The following METAP1D variants were observed in gnomAD, a reference collection of about 807,000 sequenced individuals.
METAP1D encodes methionyl aminopeptidase type 1D, mitochondrial.
A neutral mutation model predicts 40.5 loss-of-function variants in METAP1D; 31 were observed. The ratio of observed to expected loss-of-function variants is 0.77; its 90% CI spans 0.58 to 1.03. The LOEUF (loss-of-function observed/expected upper bound fraction) is 1.03, where lower values mean the gene tolerates loss of function less well. METAP1D is among the 50% of genes least tolerant of loss of function. The pLI is 0.00. For synonymous variants in METAP1D, 151 were observed against 146.4 expected (o/e 1.03, Z -0.22); for missense variants, 411 against 420.7 (o/e 0.98, Z 0.20).
At chr2:172,061,028 C>T (rs1159427744) in intron 1 of METAP1D, among the ~76,000 whole-genome samples, 1 of 152,216 alleles carries the variant, frequency 6.6e-6, no homozygotes, top group Non-Finnish European at 1.5e-5. Flanking sequence ...TATAATGCCT[C>T]ACTGCACGTG....
chr2:172,022,589 A>G (rs1260375749), intron 1 of METAP1D, among the ~76,000 whole-genome samples: 1 of 152,210 alleles, frequency 6.6e-6, no homozygotes, highest in Non-Finnish European at 1.5e-5. Flanking sequence ...ATAAGTAAAA[A>G]AAGTGGAATT....
At position 172,040,746 on chromosome 2, in the gene METAP1D, C is replaced by CTTTTTTTT. The variant is rs782267064; in HGVS notation, c.41-20741_41-20734dup. 5.1e-5 allele frequency among the ~76,000 whole-genome samples: 6 copies of CTTTTTTTT among 117,224 alleles called. 1 individual carries two copies. Among genetic ancestry groups the CTTTTTTTT allele is most frequent in the Middle Eastern group, 4.6e-3 (1 of 216 alleles). The allele number at this position is 117,224 out of a possible 152,430, so 76.9% of individuals were successfully genotyped here. On this transcript the variant is annotated intron_variant, in intron 1 of 9. Coordinates refer to ENST00000315796, the MANE Select transcript of METAP1D (RefSeq NM_199227.3). ...ATTTGCTTTGATACATTCAGGCCCT[C>CTTTTTTTT]TTTTTTTTTTTTTTTTTTGAGATGG... is the stretch of plus-strand genomic sequence containing the variant.
intron 1 of METAP1D, among the ~76,000 whole-genome samples, chr2:172,045,819 GTATATA>G (rs796640775): frequency 1.6e-3 from 24 of 15,188 alleles, no homozygotes; most frequent in African/African-American, 4.4e-3. Context: ...GTGTGTGTGT[GTATATA>G]TATATATATA....
chr2:172,003,183 A>T lies in METAP1D; in HGVS notation c.40+3174A>T, dbSNP rs148955922. Among the ~76,000 whole-genome samples, 71 of 152,276 alleles carry T rather than the reference A, an allele frequency of 4.7e-4. No individual in the cohort carries two copies. The East Asian group carries it at 0.012, about 26-fold the overall frequency. ...GTAGTGACATTGGAAAGAGGAAAAGACAGATCAGCCTCTTGGAACCAAGAG... is the reference window on the plus strand; with the variant it reads ...GTAGTGACATTGGAAAGAGGAAAAGTCAGATCAGCCTCTTGGAACCAAGAG... On this transcript the variant is annotated intron_variant, in intron 1 of 9. Transcript: ENST00000315796.
chr2:172,038,917 A>G (rs1194537603), intron 1 of METAP1D, among the ~76,000 whole-genome samples: 2 of 152,228 alleles, frequency 1.3e-5, no homozygotes, highest in East Asian at 3.8e-4. Flanking sequence ...TACTCATTAA[A>G]GTCAGCATCA....
Position 172,033,357 on chromosome 2 carries a change from A to AT in METAP1D, c.41-28127dup, listed in dbSNP as rs1313514417. On this transcript the variant is annotated intron_variant, in intron 1 of 9. Coordinates refer to ENST00000315796, the MANE Select transcript of METAP1D (RefSeq NM_199227.3). ...CCTATTTTAATAATACATTTGTTTA[A>AT]TTTTTTTTTTTTTTGAGACGGAATC... is the stretch of plus-strand genomic sequence containing the variant. 4.4e-3 allele frequency among the ~76,000 whole-genome samples: 635 copies of AT among 145,186 alleles called. 1 individual carries two copies. The highest frequency in any genetic ancestry group is 0.028 in the Middle Eastern group (8 of 286).
At chr2:172,016,300 AATATATATATATAT>A (rs1188835723) in intron 1 of METAP1D, among the ~76,000 whole-genome samples, 107 of 40,052 alleles carry the variant, frequency 2.7e-3, no homozygotes, top group Admixed American at 4.1e-3. Flanking sequence ...AAAAAAAAAA[AATATATATATATAT>A]ATATATATAT....
Position 172,042,983 on chromosome 2 carries a change from A to G in METAP1D, c.41-18515A>G, listed in dbSNP as rs540702456. Reference sequence around the variant, plus strand: ...TATATATGCGTACATGTGCATACATATGTGTGCGTGTGTACACATATATGT... The same window carrying G: ...TATATATGCGTACATGTGCATACATGTGTGTGCGTGTGTACACATATATGT... On this transcript the variant is annotated intron_variant, in intron 1 of 9. Transcript: ENST00000315796. 3.2e-5 allele frequency among the ~76,000 whole-genome samples: 4 copies of G among 125,630 alleles called. 1 individual carries two copies. Among genetic ancestry groups the G allele is most frequent in the South Asian group, 5.1e-4 (2 of 3,950 alleles). 82.4% of individuals were successfully genotyped at this position (125,630 alleles called of 152,430 possible). A position where few individuals can be genotyped will look rare whatever the true frequency, so the allele number is the denominator to read the frequency against.
At chr2:172,044,281 C>T (rs1194183737) in intron 1 of METAP1D, among the ~76,000 whole-genome samples, 2 of 131,052 alleles carry the variant, frequency 1.5e-5, no homozygotes, top group African/African-American at 5.1e-5. Flanking sequence ...GTCAGGTGGG[C>T]TGGGCACGGT....
chr2:172,025,326 A>AATTATT (rs1242533578), intron 1 of METAP1D, among the ~76,000 whole-genome samples: 2 of 151,820 alleles, frequency 1.3e-5, no homozygotes, highest in Non-Finnish European at 2.9e-5. Context: ...TATGGAAAAA[A>AATTATT]ATTATTATTA....
In METAP1D at chr2:172,059,394, C is replaced by T. The variant is rs1029455652; in HGVS notation, c.41-2104C>T. On this transcript the variant is annotated intron_variant, in intron 1 of 9. Coordinates refer to ENST00000315796, the MANE Select transcript of METAP1D (RefSeq NM_199227.3). ...TGGTCTGTGAACCTCATTTTAAGGA[C>T]TACTGCTCTAGACCAGGATTCAGCA... Among the ~76,000 whole-genome samples, 98 of 152,056 alleles carry T rather than the reference C, an allele frequency of 6.4e-4. 1 individual carries two copies. Among genetic ancestry groups the T allele is most frequent in the African/African-American group, 2.2e-3 (92 of 41,416 alleles).
At position 172,026,644 on chromosome 2, in the gene METAP1D, C is replaced by T. The variant is rs113629359; in HGVS notation, c.40+26635C>T. Reference sequence around the variant, plus strand: ...TGTAGAAACCAGAAAGGCTTTCTTGCTCTCATATCTTAGTTTAATTTACAC... The same window carrying T: ...TGTAGAAACCAGAAAGGCTTTCTTGTTCTCATATCTTAGTTTAATTTACAC... On this transcript the variant is annotated intron_variant, in intron 1 of 9. Coordinates refer to ENST00000315796, the MANE Select transcript of METAP1D (RefSeq NM_199227.3). Among the ~76,000 whole-genome samples, 315 of 152,294 alleles carry T rather than the reference C, an allele frequency of 2.1e-3. 3 individuals carry two copies. Among genetic ancestry groups the T allele is most frequent in the Non-Finnish European group, 3.7e-3 (251 of 68,028 alleles).
chr2:172,035,329 T>C (rs917899874), intron 1 of METAP1D, among the ~76,000 whole-genome samples: 5 of 151,998 alleles, frequency 3.3e-5, no homozygotes, highest in Admixed American at 2.6e-4. Flanking sequence ...CACGCCCGGC[T>C]AACTTTTTGT....
intron 1 of METAP1D, among the ~76,000 whole-genome samples, chr2:172,025,279 G>A (rs2105403438): frequency 6.6e-6 from 1 of 150,972 alleles, no homozygotes; most frequent in East Asian, 2.0e-4. Flanking sequence ...TGTTTTGATG[G>A]GTATTATATT....
chr2:172,009,787 A>C (rs1393911182), intron 1 of METAP1D, among the ~76,000 whole-genome samples: 2 of 152,130 alleles, frequency 1.3e-5, no homozygotes, highest in African/African-American at 2.4e-5. Flanking sequence ...GTCAGTTAGA[A>C]GATAATGGCA....
At chr2:172,018,707 C>T (rs1365043299) in intron 1 of METAP1D, among the ~76,000 whole-genome samples, 1 of 152,132 alleles carries the variant, frequency 6.6e-6, no homozygotes, top group African/African-American at 2.4e-5. Flanking sequence ...AAGTGAACAA[C>T]TGCATACTTG....
At chr2:172,071,990 A>G (rs1258951150) in intron 6 of METAP1D, among the ~76,000 whole-genome samples, 1 of 152,220 alleles carries the variant, frequency 6.6e-6, no homozygotes, top group African/African-American at 2.4e-5. Flanking sequence ...ATATTGTAAC[A>G]GTGTCTGAAT....
Position 172,000,019 on chromosome 2 carries a change from T to C in METAP1D, c.40+10T>C. 1.5e-6 allele frequency: 2 copies of C among 1,329,736 alleles called. No individual in the cohort carries two copies. The highest frequency in any genetic ancestry group is 1.9e-6 in the Non-Finnish European group (2 of 1,030,318). The allele number at this position is 1,329,736 out of a possible 1,614,324, so 82.4% of individuals were successfully genotyped here. A position where few individuals can be genotyped will look rare whatever the true frequency, so the allele number is the denominator to read the frequency against. ...CTGCTCGTCCGCAGAGGTAAGCGCG[T>C]GGAGGAGAGCCCCGTGAGGGTTCGC... On this transcript the variant is annotated intron_variant, in intron 1 of 9. Coordinates refer to ENST00000315796, the MANE Select transcript of METAP1D (RefSeq NM_199227.3).
intron 5 of METAP1D, among the ~76,000 whole-genome samples, chr2:172,067,576 C>G (rs1690314815): frequency 6.6e-6 from 1 of 152,120 alleles, no homozygotes; most frequent in South Asian, 2.1e-4. Context: ...TCATGAGACA[C>G]TTTTATTTTG....
Sources: allele counts gnomAD v4.1 joint callset (sites outside exome capture counted in the v4.1 genomes callset), GRCh38; gene constraint gnomAD v4.1.1; transcripts MANE v1.5; gene names NCBI Gene and HGNC (gene_info 2026-07-23, HGNC 2026-07-21).